The following LINGO2 variants were observed in gnomAD, a reference collection of about 807,000 sequenced individuals.
The protein encoded by LINGO2 is leucine rich repeat and Ig domain containing 2.
In LINGO2, 14 loss-of-function variants were observed where a neutral mutation model predicts 30.6. That is an observed-to-expected ratio of 0.46 (90% CI 0.30 to 0.72). The LOEUF is 0.72. Among genes scored for constraint, LINGO2 ranks in the 30% least tolerant of loss-of-function variants. The pLI is 0.07. For missense variants in LINGO2, 729 were observed against 751.7 expected (o/e 0.97, Z 0.35); for synonymous variants, 317 against 288.5 (o/e 1.10, Z -1.00).
chr9:28,574,794 C>G (rs1823873171), intron 1 of LINGO2, among the ~76,000 whole-genome samples: 4 of 152,182 alleles, frequency 2.6e-5, no homozygotes, highest in Admixed American at 2.6e-4. Flanking sequence ...ATCCCAGCTT[C>G]ATCTCTAGTT....
chr9:28,515,839 T>C (rs1022909353), intron 1 of LINGO2, among the ~76,000 whole-genome samples: 6 of 152,166 alleles, frequency 3.9e-5, no homozygotes, highest in African/African-American at 1.4e-4. Context: ...GTGGGTAAAA[T>C]GTTATCAGAA....
At chr9:28,664,144 G>A (rs952999111) in intron 1 of LINGO2, among the ~76,000 whole-genome samples, 2 of 152,042 alleles carry the variant, frequency 1.3e-5, no homozygotes, top group Non-Finnish European at 2.9e-5. Context: ...ATAAAAATAT[G>A]TGAGGAAAAA....
In LINGO2 at chr9:28,585,637, T is replaced by C. The variant is rs138977070; in HGVS notation, c.-365+84563A>G. Among the ~76,000 whole-genome samples, 109 of 152,166 alleles carry C rather than the reference T, an allele frequency of 7.2e-4. 2 individuals carry two copies. In the East Asian group the frequency reaches 0.019, roughly 26 times the overall value. On this transcript the variant is annotated intron_variant, in intron 1 of 5. Transcript: ENST00000379992. ...ATGTTTAAGCTATTAGGCTAAGGTA[T>C]GATGTCCACAAGTTAGCTGTATTAA...
At chr9:28,333,557 G>C (rs941216720) in intron 3 of LINGO2, among the ~76,000 whole-genome samples, 11 of 152,056 alleles carry the variant, frequency 7.2e-5, no homozygotes, top group African/African-American at 2.7e-4. Context: ...TAACTACTTA[G>C]TTTTCAAAAT....
At chr9:28,179,454 C>G (rs1240246468) in intron 4 of LINGO2, among the ~76,000 whole-genome samples, 1 of 134,166 alleles carries the variant, frequency 7.5e-6, no homozygotes, top group Non-Finnish European at 1.6e-5. Context: ...TATACATATA[C>G]TATAGTGTAT....
At chr9:28,615,471 G>T (rs909026580) in intron 1 of LINGO2, among the ~76,000 whole-genome samples, 5 of 152,078 alleles carry the variant, frequency 3.3e-5, no homozygotes, top group African/African-American at 9.7e-5. Context: ...CCAGTGGCCT[G>T]CACATTCCCT....
At chr9:28,291,066 C>T (rs1202429627) in intron 4 of LINGO2, among the ~76,000 whole-genome samples, 5 of 152,190 alleles carry the variant, frequency 3.3e-5, no homozygotes, top group Non-Finnish European at 7.3e-5. Context: ...CACTTAATGA[C>T]ACTTTTGATA....
At chr9:28,506,503 GACAT>G (rs1820140522) in intron 1 of LINGO2, among the ~76,000 whole-genome samples, 1 of 83,106 alleles carries the variant, frequency 1.2e-5, no homozygotes, top group African/African-American at 4.8e-5. Context: ...CACACACACA[GACAT>G]ATATATATAT....
rs1490701215 is a variant in LINGO2, at chr9:28,224,195, G to C, written c.-87+71013C>G. On this transcript the variant is annotated intron_variant, in intron 4 of 5. Coordinates refer to ENST00000379992, the Ensembl canonical transcript of LINGO2. The stretch of plus-strand genomic sequence containing the variant: ...TTCTCCTGCCTCAGCCTCCCGAGTA[G>C]CTGGGACTACAGGTGCCCGCCACCA... Among the ~76,000 whole-genome samples, 4 of 152,156 alleles carry C rather than the reference G, an allele frequency of 2.6e-5. No homozygotes were observed. The South Asian group carries it at 8.3e-4, about 32-fold the overall frequency.
intron 3 of LINGO2, among the ~76,000 whole-genome samples, chr9:28,363,557 C>T (rs936511902): frequency 6.6e-6 from 1 of 152,072 alleles, no homozygotes; most frequent in African/African-American, 2.4e-5. Flanking sequence ...GCAGCATCAT[C>T]AGCAAAAAGG....
At chr9:28,605,560 G>T (rs1825662744) in intron 1 of LINGO2, among the ~76,000 whole-genome samples, 1 of 151,924 alleles carries the variant, frequency 6.6e-6, no homozygotes, top group Non-Finnish European at 1.5e-5. Flanking sequence ...TGGAAGTCAG[G>T]CCTCCGAGTT....
chr9:28,549,568 G>A (rs1822161334), intron 1 of LINGO2, among the ~76,000 whole-genome samples: 1 of 151,944 alleles, frequency 6.6e-6, no homozygotes, highest in Non-Finnish European at 1.5e-5. Context: ...GTTTACAGTT[G>A]CAGTAGCAGT....
chr9:28,747,912 T>C, the LINGO2 span, among the ~76,000 whole-genome samples: 2 of 152,112 alleles, frequency 1.3e-5, no homozygotes, highest in African/African-American at 4.8e-5. Context: ...GAAAACTTTA[T>C]GTCACTAACG....
the LINGO2 span, among the ~76,000 whole-genome samples, chr9:28,786,366 T>C: frequency 6.6e-6 from 1 of 152,258 alleles, no homozygotes; most frequent in Non-Finnish European, 1.5e-5. Flanking sequence ...AGATGTAAGT[T>C]CAAAGAGTAA....
chr9:28,964,169 A>T, the LINGO2 span, among the ~76,000 whole-genome samples: 3 of 152,082 alleles, frequency 2.0e-5, no homozygotes, highest in South Asian at 6.2e-4. Context: ...TATTTATCAC[A>T]GTCAAGGACA....
At chr9:28,404,860 G>A (rs1464758663) in intron 2 of LINGO2, among the ~76,000 whole-genome samples, 1 of 151,216 alleles carries the variant, frequency 6.6e-6, no homozygotes, top group African/African-American at 2.4e-5. Context: ...GAAATGTATG[G>A]AAGAATGTGA....
chr9:28,879,566 T>C, the LINGO2 span, among the ~76,000 whole-genome samples: 1 of 152,190 alleles, frequency 6.6e-6, no homozygotes, highest in African/African-American at 2.4e-5. Context: ...TTCCAGTCAT[T>C]CTCACATCAT....
intron 4 of LINGO2, among the ~76,000 whole-genome samples, chr9:28,153,982 A>C (rs1326748371): frequency 6.6e-6 from 1 of 152,192 alleles, no homozygotes; most frequent in Non-Finnish European, 1.5e-5. Flanking sequence ...AAATTATTAC[A>C]TTATTTGCCC....
At chr9:29,056,266 T>C in the LINGO2 span, among the ~76,000 whole-genome samples, 7 of 152,110 alleles carry the variant, frequency 4.6e-5, no homozygotes, top group Admixed American at 6.6e-5. Flanking sequence ...GCATCTATTA[T>C]TTTTTGATTT....
Sources: gnomAD v4.1 joint callset for allele counts (sites outside exome capture counted in the v4.1 genomes callset) on GRCh38, gnomAD v4.1.1 for gene constraint, MANE v1.5 for transcripts, NCBI Gene and HGNC (gene_info 2026-07-23, HGNC 2026-07-21) for gene names.